Variants in CCDC148 observed in about 807,000 individuals in gnomAD.
CCDC148 encodes coiled-coil domain-containing protein 148.
A neutral mutation model predicts 85.7 loss-of-function variants in CCDC148; 89 were observed. The ratio of observed to expected loss-of-function variants is 1.04; its 90% CI spans 0.87 to 1.24. The LOEUF (loss-of-function observed/expected upper bound fraction) is 1.24. CCDC148 is among the 50% of genes most tolerant of loss of function. The pLI is 0.00. For missense variants in CCDC148, 692 were observed against 671.7 expected (o/e 1.03, Z -0.33); for synonymous variants, 230 against 213.9 (o/e 1.08, Z -0.66).
intron 1 of CCDC148, among the ~76,000 whole-genome samples, chr2:158,395,830 T>C (rs1685497772): frequency 6.6e-6 from 1 of 152,164 alleles, no homozygotes; most frequent in Non-Finnish European, 1.5e-5. Context: ...TATCCTCACA[T>C]GTCTAACAGG....
chr2:158,426,815 T>C (rs141604012), intron 1 of CCDC148, among the ~76,000 whole-genome samples: 140 of 152,328 alleles, frequency 9.2e-4, no homozygotes, highest in Non-Finnish European at 1.5e-3. Context: ...ACAATGCTCT[T>C]GTCCGTTTTT....
At position 158,279,688 on chromosome 2, in the gene CCDC148, T is replaced by C. The variant is rs994981857; in HGVS notation, c.1111-28776A>G. On this transcript the variant is annotated intron_variant, in intron 9 of 13. Transcript: ENST00000283233. ...AAGTGACAGGGGGAATGGAACCAAG[T>C]TGAAAAACACTCTGCAGGATATTAT... Among the ~76,000 whole-genome samples, 3 of 152,166 alleles carry C rather than the reference T, an allele frequency of 2.0e-5. No individual in the cohort carries two copies. In the South Asian group the frequency reaches 6.2e-4, roughly 32 times the overall value.
At chr2:158,395,755 G>A (rs1685493825) in intron 1 of CCDC148, among the ~76,000 whole-genome samples, 1 of 152,052 alleles carries the variant, frequency 6.6e-6, no homozygotes, top group Non-Finnish European at 1.5e-5. Flanking sequence ...ACCCCACACT[G>A]CCCCTTGCTA....
At chr2:158,256,998 A>G (rs1277914181) in intron 9 of CCDC148, among the ~76,000 whole-genome samples, 1 of 151,728 alleles carries the variant, frequency 6.6e-6, no homozygotes. Flanking sequence ...GGGTTCAATA[A>G]GTACTTCTTG....
At chr2:158,211,843 C>A (rs540502787) in intron 11 of CCDC148, among the ~76,000 whole-genome samples, 2 of 152,168 alleles carry the variant, frequency 1.3e-5, no homozygotes, top group Non-Finnish European at 2.9e-5. Flanking sequence ...ATCAAAATTG[C>A]TATATATTGC....
chr2:158,231,839 A>C (rs527992391), intron 10 of CCDC148, among the ~76,000 whole-genome samples: 2 of 152,140 alleles, frequency 1.3e-5, no homozygotes, highest in Non-Finnish European at 2.9e-5. Flanking sequence ...TCAGGATGGT[A>C]AAGGCCAAAC....
intron 7 of CCDC148, among the ~76,000 whole-genome samples, chr2:158,321,049 A>G (rs1438396817): frequency 1.3e-5 from 2 of 152,200 alleles, no homozygotes; most frequent in Non-Finnish European, 2.9e-5. Flanking sequence ...TATCCTGCAG[A>G]AAGTGAACCC....
At chr2:158,197,611 A>G (rs1240924446) in intron 11 of CCDC148, among the ~76,000 whole-genome samples, 5 of 152,140 alleles carry the variant, frequency 3.3e-5, no homozygotes, top group Non-Finnish European at 7.4e-5. Flanking sequence ...AGCATAAGAG[A>G]GCCTCTAATA....
chr2:158,231,564 T>C (rs1687858023), intron 10 of CCDC148, among the ~76,000 whole-genome samples: 1 of 152,112 alleles, frequency 6.6e-6, no homozygotes, highest in Admixed American at 6.6e-5. Flanking sequence ...AAGACTCAGT[T>C]TTAGCATTGC....
chr2:158,283,016 C>T, intron 9 of CCDC148, among the ~76,000 whole-genome samples: 1 of 152,148 alleles, frequency 6.6e-6, no homozygotes, highest in Non-Finnish European at 1.5e-5. Context: ...CTGAGAAAAA[C>T]AAGCAATGGG....
At chr2:158,282,318 G>T (rs1690362402) in intron 9 of CCDC148, among the ~76,000 whole-genome samples, 1 of 152,138 alleles carries the variant, frequency 6.6e-6, no homozygotes, top group Admixed American at 6.5e-5. Context: ...TATTCAATTA[G>T]GAAAAGAGGA....
intron 1 of CCDC148, among the ~76,000 whole-genome samples, chr2:158,436,466 C>A (rs1687655959): frequency 6.6e-6 from 1 of 152,144 alleles, no homozygotes; most frequent in Admixed American, 6.5e-5. Flanking sequence ...CTCTGGGACA[C>A]ATTAAAAGCA....
At chr2:158,273,880 A>AG (rs1263347715) in intron 9 of CCDC148, among the ~76,000 whole-genome samples, 4 of 152,108 alleles carry the variant, frequency 2.6e-5, no homozygotes, top group Admixed American at 6.5e-5. Context: ...CCAAAAAAAA[A>AG]TATTACAAGT....
intron 1 of CCDC148, among the ~76,000 whole-genome samples, chr2:158,417,684 C>T (rs1042454675): frequency 5.9e-5 from 9 of 152,118 alleles, no homozygotes; most frequent in African/African-American, 2.2e-4. Flanking sequence ...TCTCCTTTAC[C>T]GTCCACATGC....
At chr2:158,204,426 G>C (rs572839473) in intron 11 of CCDC148, among the ~76,000 whole-genome samples, 2 of 152,120 alleles carry the variant, frequency 1.3e-5, no homozygotes, top group African/African-American at 4.8e-5. Context: ...AGTCATGAAA[G>C]CTATAAGGCT....
intron 1 of CCDC148, among the ~76,000 whole-genome samples, chr2:158,404,354 A>G (rs1196661837): frequency 6.6e-6 from 1 of 152,084 alleles, no homozygotes; most frequent in Non-Finnish European, 1.5e-5. Flanking sequence ...GAAATACAAA[A>G]TCATATTAGT....
At chr2:158,396,181 C>T (rs1685515214) in intron 1 of CCDC148, among the ~76,000 whole-genome samples, 1 of 152,068 alleles carries the variant, frequency 6.6e-6, no homozygotes, top group Non-Finnish European at 1.5e-5. Context: ...TTTTGTTTAG[C>T]TTTTCATTTG....
At chr2:158,389,579 C>A (rs144047558) in intron 1 of CCDC148, among the ~76,000 whole-genome samples, 3 of 152,166 alleles carry the variant, frequency 2.0e-5, no homozygotes, top group Non-Finnish European at 4.4e-5. Flanking sequence ...CTTCATCTTT[C>A]TTCATTTTAA....
chr2:158,317,065 T>C (rs972527443), intron 7 of CCDC148, among the ~76,000 whole-genome samples: 4 of 152,236 alleles, frequency 2.6e-5, no homozygotes, highest in Non-Finnish European at 5.9e-5. Flanking sequence ...GTGATTCTAA[T>C]GACAGAACTA....
Sources: gnomAD v4.1 joint callset for allele counts (sites outside exome capture counted in the v4.1 genomes callset) on GRCh38, gnomAD v4.1.1 for gene constraint, MANE v1.5 for transcripts, NCBI Gene and HGNC (gene_info 2026-07-23, HGNC 2026-07-21) for gene names.